The following DENND2A variants were observed in gnomAD, a reference collection of about 807,000 sequenced individuals.
DENND2A encodes DENN domain containing 2A.
A neutral mutation model predicts 105.3 loss-of-function variants in DENND2A; 53 were observed. The observed-to-expected ratio is 0.50, with a 90% CI of 0.40 to 0.63. DENND2A has a LOEUF of 0.63. Ranked by LOEUF, DENND2A falls within the 30% of genes least tolerant of loss-of-function variation. DENND2A has a pLI of 0.00. For synonymous variants in DENND2A, 522 were observed against 508.4 expected, an observed-to-expected ratio of 1.03 and a Z score of -0.36; for missense variants, 1,138 against 1,279.6, an observed-to-expected ratio of 0.89 and a Z score of 1.69.
chr7:140,528,605 A>G (rs1347009814), intron 14 of DENND2A, among the ~76,000 whole-genome samples: 3 of 151,948 alleles, frequency 2.0e-5, no homozygotes, highest in Admixed American at 6.6e-5. Context: ...TTCCGTCTCC[A>G]CTAAAAATAC....
chr7:140,594,024 G>T (rs1337692138), intron 3 of DENND2A, among the ~76,000 whole-genome samples: 1 of 151,738 alleles, frequency 6.6e-6, no homozygotes, highest in Non-Finnish European at 1.5e-5. Flanking sequence ...TCCTGCCTCA[G>T]CCTCCCAAGT....
intron 12 of DENND2A, among the ~76,000 whole-genome samples, chr7:140,554,031 T>A (rs150129226): frequency 6.6e-6 from 1 of 150,756 alleles, no homozygotes; most frequent in Non-Finnish European, 1.5e-5. Flanking sequence ...ATCAAGACCA[T>A]CCTGGCCAAC....
At chr7:140,639,012 G>A (rs1016479619) in intron 1 of DENND2A, among the ~76,000 whole-genome samples, 3 of 152,216 alleles carry the variant, frequency 2.0e-5, no homozygotes, top group Non-Finnish European at 4.4e-5. Context: ...CTGTGTAAGG[G>A]TATGAATAGA....
At chr7:140,541,768 G>A (rs185282758) in intron 14 of DENND2A, among the ~76,000 whole-genome samples, 96 of 152,268 alleles carry the variant, frequency 6.3e-4, no homozygotes, top group African/African-American at 2.2e-3. Context: ...AAAGTGCACC[G>A]GGAGTACGAT....
chr7:140,542,058 T>A (rs1796683568), intron 14 of DENND2A, among the ~76,000 whole-genome samples: 1 of 152,140 alleles, frequency 6.6e-6, no homozygotes, highest in Admixed American at 6.5e-5. Context: ...CAGGTTTTTT[T>A]TTGTTTTTGG....
intron 9 of DENND2A, among the ~76,000 whole-genome samples, chr7:140,561,931 C>T (rs926890023): frequency 5.3e-5 from 8 of 151,818 alleles, no homozygotes; most frequent in Middle Eastern, 3.4e-3. Context: ...GCTCTGTCAC[C>T]GAGGCTGGAG....
chr7:140,576,157 T>C (rs1255200592), intron 5 of DENND2A, among the ~76,000 whole-genome samples: 1 of 152,100 alleles, frequency 6.6e-6, no homozygotes, highest in African/African-American at 2.4e-5. Context: ...GTTTTTACTA[T>C]TTTCAATGAG....
chr7:140,593,432 C>G (rs1305809822), intron 3 of DENND2A, among the ~76,000 whole-genome samples: 1 of 152,228 alleles, frequency 6.6e-6, no homozygotes, highest in Non-Finnish European at 1.5e-5. Context: ...GGCGTTATAA[C>G]CTATGTAATA....
chr7:140,557,701 G>A (rs143725549), intron 11 of DENND2A, among the ~76,000 whole-genome samples: 6,973 of 146,648 alleles, frequency 0.048, 558 homozygotes, highest in African/African-American at 0.16. Flanking sequence ...CACCATGCCC[G>A]GCTAATTTTT....
chr7:140,589,627 C>T (rs1415014719), intron 3 of DENND2A, among the ~76,000 whole-genome samples: 1 of 152,112 alleles, frequency 6.6e-6, no homozygotes, highest in Non-Finnish European at 1.5e-5. Context: ...TTTGCCATGG[C>T]GAGAGCTCTA....
At chr7:140,607,008 C>T (rs1799712157) in intron 1 of DENND2A, among the ~76,000 whole-genome samples, 1 of 152,220 alleles carries the variant, frequency 6.6e-6, no homozygotes, top group Non-Finnish European at 1.5e-5. Flanking sequence ...CCACGCAGTT[C>T]TTCTGTAAGG....
At chr7:140,593,079 C>T (rs1375224166) in intron 3 of DENND2A, among the ~76,000 whole-genome samples, 1 of 152,096 alleles carries the variant, frequency 6.6e-6, no homozygotes, top group South Asian at 2.1e-4. Flanking sequence ...AGTTTTAGTA[C>T]CTTCATTTAC....
At chr7:140,557,639 A>G (rs967876443) in intron 11 of DENND2A, among the ~76,000 whole-genome samples, 2 of 133,038 alleles carry the variant, frequency 1.5e-5, no homozygotes, top group Admixed American at 8.2e-5. Context: ...TCCCGGGTTC[A>G]CGCCATTCTC....
intron 5 of DENND2A, among the ~76,000 whole-genome samples, chr7:140,575,680 T>G (rs960271726): frequency 1.1e-4 from 17 of 152,144 alleles, no homozygotes; most frequent in Non-Finnish European, 1.3e-4. Flanking sequence ...AAAATCTTAA[T>G]GTACTTGCCG....
intron 1 of DENND2A, among the ~76,000 whole-genome samples, chr7:140,613,685 A>G (rs1799987495): frequency 6.6e-6 from 1 of 151,630 alleles, no homozygotes; most frequent in South Asian, 2.1e-4. Flanking sequence ...AAAAAAAACA[A>G]ACAAAAAACT....
At position 140,587,738 on chromosome 7, in the gene DENND2A, C is replaced by T. The variant is rs377025611; in HGVS notation, c.1038G>A (p.Glu346=). 8.7e-6 allele frequency: 14 copies of T among 1,609,820 alleles called. No individual in the cohort carries two copies. Among genetic ancestry groups the T allele is most frequent in the Middle Eastern group, 3.3e-4 (2 of 6,068 alleles). ...GCGCGTACCAGTCCACCCTGCTGCT[C>T]TCAGAGGAAGACTGCAGTAAATCTT... ...EFEDLLQSSS[E]SSRVDWYAQT... is the part of the protein sequence containing the mutation. Residue 346 remains glutamate (E), a synonymous_variant, in exon 4 of 20, where the codon GAG becomes GAA. Coordinates refer to ENST00000496613, the MANE Select transcript of DENND2A (RefSeq NM_015689.5).
intron 14 of DENND2A, among the ~76,000 whole-genome samples, chr7:140,529,423 G>GA (rs1271553594): frequency 6.6e-6 from 1 of 152,174 alleles, no homozygotes; most frequent in Non-Finnish European, 1.5e-5. Flanking sequence ...AATACCATTT[G>GA]ACCCAGCCAT....
intron 3 of DENND2A, 31 bp from the exon 4 acceptor site, chr7:140,587,811 A>G: frequency 6.6e-7 from 1 of 1,521,524 alleles, no homozygotes. Flanking sequence ...GGAAAAAACA[A>G]AGAATTTGAA....
At chr7:140,561,516 T>C (rs1384390698) in intron 9 of DENND2A, among the ~76,000 whole-genome samples, 76 of 147,450 alleles carry the variant, frequency 5.2e-4, no homozygotes, top group Admixed American at 9.4e-4. Context: ...TTTTTTTTTT[T>C]TTTGAGACAG....
Sources: allele counts gnomAD v4.1 joint callset (sites outside exome capture counted in the v4.1 genomes callset), GRCh38; gene constraint gnomAD v4.1.1; transcripts MANE v1.5; gene names NCBI Gene and HGNC (gene_info 2026-07-23, HGNC 2026-07-21).